Variants in NFIC observed in about 807,000 individuals in gnomAD.
NFIC encodes the protein nuclear factor I C.
A neutral mutation model predicts 54.4 loss-of-function variants in NFIC; 12 were observed. The ratio of observed to expected loss-of-function variants is 0.22; its 90% CI spans 0.14 to 0.36. The LOEUF is 0.36. NFIC is among the 10% of genes least tolerant of loss of function. The pLI, the probability that NFIC is intolerant of heterozygous loss-of-function variation, is 1.00. For synonymous variants in NFIC, 322 were observed against 319.2 expected (o/e 1.01, Z -0.09); for missense variants, 575 against 718.2 (o/e 0.80, Z 2.28).
At chr19:3,417,840 A>G (rs1235145624) in intron 2 of NFIC, among the ~76,000 whole-genome samples, 16 of 140,706 alleles carry the variant, frequency 1.1e-4, no homozygotes, top group Admixed American at 6.6e-4. Flanking sequence ...GGGTTTCACC[A>G]TGTTAGCCAG....
intron 1 of NFIC, among the ~76,000 whole-genome samples, chr19:3,366,910 C>T (rs2080898701): frequency 2.0e-5 from 3 of 151,940 alleles, no homozygotes; most frequent in South Asian, 4.1e-4. Flanking sequence ...CCCCCAACCC[C>T]GACTCTCGGG....
chr19:3,466,438 C>G lies in NFIC; in HGVS notation c.*3669C>G, dbSNP rs376532943. The G allele has an allele frequency of 6.6e-6, 1 of 152,098 alleles. No individual in the cohort carries two copies. Among genetic ancestry groups the G allele is most frequent in the Non-Finnish European group, 1.5e-5 (1 of 68,046 alleles). The allele number at this position is 152,098 out of a possible 1,614,324, so 9.4% of individuals were successfully genotyped here. A position where few individuals can be genotyped will look rare whatever the true frequency, so the allele number is the denominator to read the frequency against. Reference sequence around the variant, plus strand: ...ACCCACGCAGATGGTCCCATTCATTCACTATTGCCCCCAACCCCGGGATTT... The same window carrying G: ...ACCCACGCAGATGGTCCCATTCATTGACTATTGCCCCCAACCCCGGGATTT... On this transcript the variant is annotated 3_prime_UTR_variant, in exon 11 of 11. Transcript: ENST00000443272. The surrounding 1 kb of genome is among the most constrained non-coding windows in gnomAD (Gnocchi z 4.8).
At chr19:3,398,653 A>G (rs543337417) in intron 2 of NFIC, among the ~76,000 whole-genome samples, 1 of 152,198 alleles carries the variant, frequency 6.6e-6, no homozygotes, top group Non-Finnish European at 1.5e-5. Flanking sequence ...GTACCCTGTG[A>G]CAGCTCCGGG....
Position 3,387,202 on chromosome 19 carries a change from G to A in NFIC, c.562+4959G>A, listed in dbSNP as rs180776366. ...GCTGAAAGGAGCCACCACTTGCAAC[G>A]TCACAAGTGAGAGAGGAGGCCGGGC... is the stretch of plus-strand genomic sequence containing the variant. On this transcript the variant is annotated intron_variant, in intron 2 of 10. Coordinates refer to ENST00000443272, the MANE Select transcript of NFIC (RefSeq NM_001245002.2). Among the ~76,000 whole-genome samples, 6 of 152,312 alleles carry A rather than the reference G, an allele frequency of 3.9e-5. No homozygotes were observed. The East Asian group carries it at 5.8e-4, about 15-fold the overall frequency.
chr19:3,366,536 G>GGGGGGGGGGGTGGGGGGGGC, upstream of NFIC: 1 of 400,968 alleles, frequency 2.5e-6, no homozygotes, highest in Non-Finnish European at 3.6e-6. Flanking sequence ...CCGCGGGGCG[G>GGGGGGGGGGGTGGGGGGGGC]GGGGGGGGGT....
At chr19:3,402,948 C>G (rs1369944641) in intron 2 of NFIC, among the ~76,000 whole-genome samples, 1 of 152,104 alleles carries the variant, frequency 6.6e-6, no homozygotes, top group Non-Finnish European at 1.5e-5. Flanking sequence ...GGTCCTAGTC[C>G]TCCACTTTGA....
In NFIC at chr19:3,434,376, C is replaced by T. The variant is rs775145685; in HGVS notation, c.809C>T (p.Thr270Met). 7 of 1,611,350 alleles carry T rather than the reference C, an allele frequency of 4.3e-6. No homozygotes were observed. Among genetic ancestry groups the T allele is most frequent in the East Asian group, 2.2e-5 (1 of 44,818 alleles). ...CCAGCCAGCACTGGCCTCAGAAGAA[C>T]GCTGCCCAGCACCTCCTCCAGTGGG... ...LNPASTGLRR[T>M]LPSTSSSGSK... Residue 270 changes from threonine (T) to methionine (M), a missense_variant, in exon 5 of 11, where the codon ACG becomes ATG. Transcript: ENST00000443272.
intron 2 of NFIC, among the ~76,000 whole-genome samples, chr19:3,406,888 G>A (rs554723649): frequency 5.9e-5 from 9 of 152,206 alleles, no homozygotes; most frequent in East Asian, 1.9e-4. Flanking sequence ...TTGCAGGGAC[G>A]GTGTTCCAAG....
At position 3,459,045 on chromosome 19, in the gene NFIC, C is replaced by A. The variant is rs1001731172; in HGVS notation, c.1509+2410C>A. On this transcript the variant is annotated intron_variant, in intron 10 of 10. Coordinates refer to ENST00000443272, the MANE Select transcript of NFIC (RefSeq NM_001245002.2). This position sits in a 1 kb window ranked among gnomAD's most constrained non-coding sequence, Gnocchi z 4.2. Reference sequence around the variant, plus strand: ...AGGGAGGGAAGAAGCAGTGAGATCCCGCTCTCCCCTCTCCCAGCTCCCGCT... The same window carrying A: ...AGGGAGGGAAGAAGCAGTGAGATCCAGCTCTCCCCTCTCCCAGCTCCCGCT... 6.6e-6 allele frequency among the ~76,000 whole-genome samples: 1 copy of A among 152,020 alleles called. No homozygotes were observed. Among genetic ancestry groups the A allele is most frequent in the African/African-American group, 2.4e-5 (1 of 41,364 alleles).
chr19:3,381,858 C>T lies in NFIC; in HGVS notation c.177C>T (p.Asp59=), dbSNP rs796703872. 7 of 1,613,884 alleles carry T rather than the reference C, an allele frequency of 4.3e-6. No homozygotes were observed. The East Asian group carries it at 1.1e-4, about 26-fold the overall frequency. Residue 59 remains aspartate, a synonymous_variant, in exon 2 of 11, where the codon GAC becomes GAT. Coordinates refer to ENST00000443272, the MANE Select transcript of NFIC (RefSeq NM_001245002.2). ...AGGACGAGGAGCGTGCGGTCAAGGACGAGCTGCTGGGCGAGAAGCCCGAGG... is the reference window on the plus strand; with the variant it reads ...AGGACGAGGAGCGTGCGGTCAAGGATGAGCTGCTGGGCGAGAAGCCCGAGG... The part of the protein sequence containing the change: ...MSKDEERAVK[D]ELLGEKPEVK...
intron 2 of NFIC, among the ~76,000 whole-genome samples, chr19:3,392,938 A>C (rs547280621): frequency 6.6e-6 from 1 of 152,122 alleles, no homozygotes; most frequent in South Asian, 2.1e-4. Context: ...TCCCATCTTT[A>C]TTTTTATTTT....
At chr19:3,449,552 G>A (rs1945688273) in intron 7 of NFIC, among the ~76,000 whole-genome samples, 1 of 152,088 alleles carries the variant, frequency 6.6e-6, no homozygotes, top group South Asian at 2.1e-4. Context: ...CTGAGGTCAG[G>A]AGTTTGAGAC....
chr19:3,365,524 G>A (rs1413576043), upstream of NFIC, among the ~76,000 whole-genome samples: 1 of 152,178 alleles, frequency 6.6e-6, no homozygotes, highest in African/African-American at 2.4e-5. Flanking sequence ...TGGGGGCTCA[G>A]ACGGAGGCAG....
At chr19:3,406,993 G>A (rs1238691097) in intron 2 of NFIC, among the ~76,000 whole-genome samples, 1 of 150,946 alleles carries the variant, frequency 6.6e-6, no homozygotes, top group Non-Finnish European at 1.5e-5. Flanking sequence ...AGCAGAGTGA[G>A]CGAGGGGGAG....
rs190379726 is a variant in NFIC, at chr19:3,369,260, A to G, written c.30+2594A>G. On this transcript the variant is annotated intron_variant, in intron 1 of 10. Transcript: ENST00000443272. This position sits in a 1 kb window ranked among gnomAD's most constrained non-coding sequence, Gnocchi z 4.3. Reference sequence around the variant, plus strand: ...TCCTCTCTGTCTCTGTTTCTCTCCAATATGTCTGTCTGTCTCTTCATCTCT... The same window carrying G: ...TCCTCTCTGTCTCTGTTTCTCTCCAGTATGTCTGTCTGTCTCTTCATCTCT... Among the ~76,000 whole-genome samples, 93 of 147,188 alleles carry G rather than the reference A, an allele frequency of 6.3e-4. 1 individual carries two copies. The highest frequency in any genetic ancestry group is 2.8e-3 in the Admixed American group (42 of 14,948).
chr19:3,443,757 G>T (rs1333881710), intron 6 of NFIC, among the ~76,000 whole-genome samples: 1 of 152,164 alleles, frequency 6.6e-6, no homozygotes, highest in Non-Finnish European at 1.5e-5. Flanking sequence ...CTGCAGGGTG[G>T]TCCTGGCATG....
At chr19:3,440,290 C>G (rs1257537820) in intron 6 of NFIC, among the ~76,000 whole-genome samples, 1 of 152,054 alleles carries the variant, frequency 6.6e-6, no homozygotes, top group East Asian at 1.9e-4. Context: ...GAGCACCCCC[C>G]AGTGGTGACA....
chr19:3,443,964 C>T (rs1358358949), intron 6 of NFIC, among the ~76,000 whole-genome samples: 4 of 152,224 alleles, frequency 2.6e-5, no homozygotes, highest in Non-Finnish European at 5.9e-5. Flanking sequence ...CTGTGTAGGG[C>T]CCCTCCTGAC....
At chr19:3,386,903 G>C (rs1356314271) in intron 2 of NFIC, among the ~76,000 whole-genome samples, 1 of 152,250 alleles carries the variant, frequency 6.6e-6, no homozygotes, top group Non-Finnish European at 1.5e-5. Context: ...TCCCCAGGCT[G>C]TGGCTGGCCT....
Sources: gnomAD v4.1 joint callset for allele counts (sites outside exome capture counted in the v4.1 genomes callset) on GRCh38, gnomAD v4.1.1 for gene constraint, Gnocchi (gnomAD v3.1) non-coding constraint, MANE v1.5 for transcripts, NCBI Gene and HGNC (gene_info 2026-07-23, HGNC 2026-07-21) for gene names.